SGPP2: variants seen among roughly 807,000 people sequenced by gnomAD.
The protein encoded by SGPP2 is sphingosine 1-phosphate phosphohydrolase 2.
A neutral mutation model predicts 33.9 loss-of-function variants in SGPP2; 30 were observed. The ratio of observed to expected loss-of-function variants is 0.89; its 90% CI spans 0.66 to 1.20. SGPP2 has a LOEUF of 1.20. Ranked by LOEUF, SGPP2 falls within the 50% of genes most tolerant of loss-of-function variation. The pLI, the probability that SGPP2 is intolerant of heterozygous loss-of-function variation, is 0.00. For synonymous variants in SGPP2, 233 were observed against 225.0 expected, an observed-to-expected ratio of 1.04 and a Z score of -0.32; for missense variants, 458 against 532.1, an observed-to-expected ratio of 0.86 and a Z score of 1.37.
intron 1 of SGPP2, among the ~76,000 whole-genome samples, chr2:222,433,575 G>C (rs780779538): frequency 6.6e-6 from 1 of 152,078 alleles, no homozygotes; most frequent in Non-Finnish European, 1.5e-5. Flanking sequence ...TGAAAGGTGC[G>C]CTAAACTCGC....
intron 4 of SGPP2, among the ~76,000 whole-genome samples, chr2:222,556,585 A>G (rs1574895493): frequency 4.9e-5 from 2 of 41,010 alleles, no homozygotes; most frequent in Admixed American, 3.1e-4. Context: ...CTCCTTGCCC[A>G]TCCACTCTCA....
intron 4 of SGPP2, among the ~76,000 whole-genome samples, chr2:222,553,538 C>A (rs1003491653): frequency 2.0e-5 from 3 of 152,174 alleles, no homozygotes; most frequent in African/African-American, 7.2e-5. Flanking sequence ...CGCTTCTGAT[C>A]AGAATCATAG....
chr2:222,433,398 C>T (rs554389615), intron 1 of SGPP2, among the ~76,000 whole-genome samples: 2 of 152,120 alleles, frequency 1.3e-5, no homozygotes, highest in African/African-American at 4.8e-5. Flanking sequence ...AGGATTTACA[C>T]TTAATTGCAA....
intron 2 of SGPP2, among the ~76,000 whole-genome samples, chr2:222,490,137 A>G (rs952634170): frequency 6.6e-6 from 1 of 152,212 alleles, no homozygotes; most frequent in Non-Finnish European, 1.5e-5. Flanking sequence ...TTCTATATTC[A>G]TGAGAAACAT....
chr2:222,552,917 C>A (rs1371576132), intron 4 of SGPP2, among the ~76,000 whole-genome samples: 1 of 152,060 alleles, frequency 6.6e-6, no homozygotes, highest in Admixed American at 6.5e-5. Flanking sequence ...TCCCCAATAA[C>A]CTATGGAAAT....
At position 222,486,914 on chromosome 2, in the gene SGPP2, A is replaced by AAAAATTTTAAATTTTTAAAAATT. The variant is rs1270921378; in HGVS notation, c.378+12197_378+12219dup. 9.3e-4 allele frequency among the ~76,000 whole-genome samples: 141 copies of AAAAATTTTAAATTTTTAAAAATT among 152,266 alleles called. 1 individual carries two copies. Among genetic ancestry groups the AAAAATTTTAAATTTTTAAAAATT allele is most frequent in the African/African-American group, 3.3e-3 (135 of 41,504 alleles). On this transcript the variant is annotated intron_variant, in intron 2 of 4. Transcript: ENST00000321276. Reference sequence around the variant, plus strand: ...TTGTGGGTAGTAAACCACATTAATTAAAAATTTTAAATTTTTAAAAATTAA... The same window carrying AAAAATTTTAAATTTTTAAAAATT: ...TTGTGGGTAGTAAACCACATTAATTAAAAATTTTAAATTTTTAAAAATTAAAATTTTAAATTTTTAAAAATTAA...
intron 1 of SGPP2, among the ~76,000 whole-genome samples, chr2:222,448,269 G>A (rs554723973): frequency 1.3e-5 from 2 of 152,306 alleles, no homozygotes; most frequent in South Asian, 4.2e-4. Flanking sequence ...CTCAATGCAT[G>A]ATTTTTACCA....
intron 1 of SGPP2, among the ~76,000 whole-genome samples, chr2:222,443,258 T>C (rs1405065093): frequency 6.6e-6 from 1 of 152,194 alleles, no homozygotes; most frequent in Non-Finnish European, 1.5e-5. Context: ...TGAGTACATA[T>C]TCAGATTTGT....
chr2:222,446,796 C>T (rs1033632586), intron 1 of SGPP2, among the ~76,000 whole-genome samples: 9 of 152,080 alleles, frequency 5.9e-5, no homozygotes, highest in Non-Finnish European at 1.0e-4. Context: ...CTTTGTCCGT[C>T]GTATCCAGTG....
intron 2 of SGPP2, among the ~76,000 whole-genome samples, chr2:222,497,422 T>C (rs902220761): frequency 2.0e-5 from 3 of 152,008 alleles, no homozygotes; most frequent in African/African-American, 7.3e-5. Flanking sequence ...AATTTTTGTA[T>C]TTTTAGTAGA....
Position 222,424,814 on chromosome 2 carries a change from C to A in SGPP2, c.212C>A (p.Ala71Glu). 3 of 1,366,108 alleles carry A rather than the reference C, an allele frequency of 2.2e-6. No homozygotes were observed. Among genetic ancestry groups the A allele is most frequent in the Non-Finnish European group, 2.8e-6 (3 of 1,062,078 alleles). The allele number at this position is 1,366,108 out of a possible 1,614,324, so 84.6% of individuals were successfully genotyped here. A position where few individuals can be genotyped will look rare whatever the true frequency, so the allele number is the denominator to read the frequency against. Residue 71 changes from alanine to glutamate, a missense_variant, in exon 1 of 5, where the codon GCG (alanine) becomes GAG (glutamate). By Grantham distance (107) the Ala-to-Glu change is moderately radical (BLOSUM62 -1). Coordinates refer to ENST00000321276, the MANE Select transcript of SGPP2 (RefSeq NM_152386.4). Reference protein sequence around the residue: ...APANGLRRAAAPEAYVQKYVV... With the variant: ...APANGLRRAAEPEAYVQKYVV... ...GCCAACGGGCTGCGCAGAGCCGCGG[C>A]GCCGGAGGTAACCATGGGCAGGTGT...
In SGPP2 at chr2:222,462,367, AAGC is replaced by A. The variant is rs1229530263; in HGVS notation, c.220-12198_220-12196del. On this transcript the variant is annotated intron_variant, in intron 1 of 4. Coordinates refer to ENST00000321276, the MANE Select transcript of SGPP2 (RefSeq NM_152386.4). Reference sequence around the variant, plus strand: ...GTTAGAGCAAAAGTGAGCAGGGAGTAAGCAGGGAGTTAGAAGACCCTTGGGTGA... The same window carrying A: ...GTTAGAGCAAAAGTGAGCAGGGAGTAAGGGAGTTAGAAGACCCTTGGGTGA... Among the ~76,000 whole-genome samples, 3 of 152,224 alleles carry A rather than the reference AAGC, an allele frequency of 2.0e-5. No homozygotes were observed. The East Asian group carries it at 5.8e-4, about 29-fold the overall frequency.
intron 1 of SGPP2, among the ~76,000 whole-genome samples, chr2:222,442,649 A>G (rs1697344624): frequency 6.6e-6 from 1 of 152,196 alleles, no homozygotes; most frequent in South Asian, 2.1e-4. Flanking sequence ...CCCCTAGGTG[A>G]TTACTAAATG....
At chr2:222,456,799 C>T (rs964421622) in intron 1 of SGPP2, among the ~76,000 whole-genome samples, 6 of 152,058 alleles carry the variant, frequency 3.9e-5, no homozygotes, top group Non-Finnish European at 7.4e-5. Flanking sequence ...CAACTCACAG[C>T]GAATAAAAAT....
At chr2:222,452,723 CATTG>C in intron 1 of SGPP2, 1 of 1,396,572 alleles carries the variant, frequency 7.2e-7, no homozygotes, top group Non-Finnish European at 1.0e-6. Context: ...GGTTGCTCCA[CATTG>C]GAAGGTTTCC....
chr2:222,453,995 C>T (rs990055068), intron 1 of SGPP2, among the ~76,000 whole-genome samples: 1 of 152,216 alleles, frequency 6.6e-6, no homozygotes. Flanking sequence ...ATAGTACTGA[C>T]CTGCCTCTTT....
intron 1 of SGPP2, among the ~76,000 whole-genome samples, chr2:222,461,315 C>T (rs6753483): frequency 0.026 from 3,960 of 152,048 alleles, 163 homozygotes; most frequent in African/African-American, 0.09. Context: ...CCCAGAGTTA[C>T]CTAGCATGTC....
At chr2:222,517,783 G>T (rs546853730) in intron 2 of SGPP2, among the ~76,000 whole-genome samples, 3 of 152,216 alleles carry the variant, frequency 2.0e-5, no homozygotes, top group Admixed American at 6.5e-5. Flanking sequence ...CTCCTATAAG[G>T]GGTTTGAGCA....
chr2:222,500,540 T>A (rs1698352271), intron 2 of SGPP2, among the ~76,000 whole-genome samples: 1 of 152,188 alleles, frequency 6.6e-6, no homozygotes, highest in Admixed American at 6.5e-5. Context: ...GGAAAGAGTA[T>A]GAAATTGGCT....
Sources: gnomAD v4.1 joint callset for allele counts (sites outside exome capture counted in the v4.1 genomes callset) on GRCh38, gnomAD v4.1.1 for gene constraint, MANE v1.5 for transcripts, NCBI Gene and HGNC (gene_info 2026-07-23, HGNC 2026-07-21) for gene names.